Variants in PTPRM observed in about 807,000 individuals in gnomAD.
PTPRM encodes the protein protein tyrosine phosphatase receptor type M.
In PTPRM, 47 loss-of-function variants were observed where a neutral mutation model predicts 186.7. That is an observed-to-expected ratio of 0.25 (90% CI 0.20 to 0.32). PTPRM has a LOEUF of 0.32. PTPRM is among the 10% of genes least tolerant of loss of function. The pLI, the probability that PTPRM is intolerant of heterozygous loss-of-function variation, is 1.00. For missense variants in PTPRM, 1,494 were observed against 1,865.0 expected (o/e 0.80, Z 3.66); for synonymous variants, 668 against 674.9 (o/e 0.99, Z 0.16).
intron 2 of PTPRM, among the ~76,000 whole-genome samples, chr18:7,867,833 A>T (rs2047789096): frequency 1.3e-5 from 2 of 152,192 alleles, no homozygotes; most frequent in Admixed American, 1.3e-4. Flanking sequence ...CAGGTACACC[A>T]ATCAAGCATA....
chr18:7,775,119 A>G (rs1408620320), intron 2 of PTPRM, among the ~76,000 whole-genome samples: 1 of 152,240 alleles, frequency 6.6e-6, no homozygotes, highest in East Asian at 1.9e-4. Flanking sequence ...TTAGTAAGTA[A>G]TCTTGTAAAG....
chr18:8,297,216 A>T (rs1009287892), intron 20 of PTPRM, among the ~76,000 whole-genome samples: 1 of 152,202 alleles, frequency 6.6e-6, no homozygotes, highest in Non-Finnish European at 1.5e-5. Flanking sequence ...AATTAATACT[A>T]TTTATAAAGA....
At chr18:7,745,013 C>T (rs966058143) in intron 1 of PTPRM, among the ~76,000 whole-genome samples, 16 of 151,952 alleles carry the variant, frequency 1.1e-4, no homozygotes, top group African/African-American at 3.6e-4. Flanking sequence ...TCAAGAAAAT[C>T]ACCTCTAACT....
intron 7 of PTPRM, among the ~76,000 whole-genome samples, chr18:7,996,580 G>A (rs2083551347): frequency 6.6e-6 from 1 of 152,028 alleles, no homozygotes; most frequent in African/African-American, 2.4e-5. Context: ...TCTCCAAATT[G>A]GAAAGGAAGA....
At chr18:8,015,064 C>G (rs1310395319) in intron 7 of PTPRM, among the ~76,000 whole-genome samples, 3 of 152,144 alleles carry the variant, frequency 2.0e-5, no homozygotes, top group African/African-American at 7.2e-5. Context: ...TAACTCCACA[C>G]TTGTGCATGT....
rs1318982857 is a variant in PTPRM at position 8,344,474 on chromosome 18, A to ATATATATATATATATC, written c.3054+955_3054+956insATATATATATATATCT. ...TATATATATATATATATATATATAT[A>ATATATATATATATATC]TCTAGCAAAAATGGCACATTAACCT... On this transcript the variant is annotated intron_variant, in intron 23 of 32. Coordinates refer to ENST00000580170, the MANE Select transcript of PTPRM (RefSeq NM_001105244.2). 3.2e-4 allele frequency among the ~76,000 whole-genome samples: 47 copies of ATATATATATATATATC among 147,308 alleles called. 1 individual carries two copies. Among genetic ancestry groups the ATATATATATATATATC allele is most frequent in the African/African-American group, 1.1e-3 (44 of 38,700 alleles).
chr18:7,979,428 G>T (rs73383812), intron 7 of PTPRM, among the ~76,000 whole-genome samples: 1 of 152,092 alleles, frequency 6.6e-6, no homozygotes. Flanking sequence ...TTTTTGAAAC[G>T]CAGATCTAAG....
intron 7 of PTPRM, among the ~76,000 whole-genome samples, chr18:8,023,426 ATATTGGTCATCTTATGTGT>A (rs2085351170): frequency 6.6e-6 from 1 of 152,306 alleles, no homozygotes; most frequent in South Asian, 2.1e-4. Flanking sequence ...AAAAAAGACC[ATATTGGTCATCTTATGTGT>A]ATTTAACTTA....
At chr18:8,057,425 C>CTTTTTTTTTTTTTTTTTTTTTTTTCTTT (rs763829289) in intron 7 of PTPRM, among the ~76,000 whole-genome samples, 8 of 102,528 alleles carry the variant, frequency 7.8e-5, no homozygotes, top group African/African-American at 2.1e-4. Context: ...TGTGATACTT[C>CTTTTTTTTTTTTTTTTTTTTTTTTCTTT]TTTTTTTTTT....
rs536537858 is a variant in PTPRM, at chr18:8,006,913, A to G, written c.1132+51499A>G. On this transcript the variant is annotated intron_variant, in intron 7 of 32. Transcript: ENST00000580170. ...CTTATTTTAGGAAATTACCTCAGTT[A>G]GATAACAAATACATATTATTTTGTT... 2.6e-5 allele frequency among the ~76,000 whole-genome samples: 4 copies of G among 152,382 alleles called. No homozygotes were observed. The South Asian group carries it at 8.3e-4, about 32-fold the overall frequency.
chr18:7,659,816 C>T (rs2038937561), intron 1 of PTPRM, among the ~76,000 whole-genome samples: 1 of 152,084 alleles, frequency 6.6e-6, no homozygotes. Context: ...AAGAAATGGC[C>T]CGGTCTGTAA....
intron 21 of PTPRM, among the ~76,000 whole-genome samples, chr18:8,315,931 C>A (rs1768731284): frequency 6.6e-6 from 1 of 152,180 alleles, no homozygotes; most frequent in East Asian, 1.9e-4. Context: ...TGATAACAAC[C>A]AAAACCATAC....
intron 19 of PTPRM, among the ~76,000 whole-genome samples, chr18:8,285,317 T>G (rs2094944601): frequency 6.6e-6 from 1 of 152,192 alleles, no homozygotes; most frequent in Non-Finnish European, 1.5e-5. Context: ...AGAGCTGGGA[T>G]TTAAGCCCAA....
At chr18:7,913,397 A>C (rs1049166564) in intron 4 of PTPRM, among the ~76,000 whole-genome samples, 5 of 152,168 alleles carry the variant, frequency 3.3e-5, no homozygotes, top group African/African-American at 9.7e-5. Flanking sequence ...AAAGAACAGA[A>C]CTGCTTGTCT....
intron 7 of PTPRM, among the ~76,000 whole-genome samples, chr18:8,038,333 C>A (rs1461601461): frequency 1.3e-5 from 2 of 151,808 alleles, no homozygotes; most frequent in Admixed American, 6.6e-5. Flanking sequence ...TTTTAAAAAC[C>A]CAGCTTTCTG....
At chr18:8,209,013 G>A (rs147511858) in intron 14 of PTPRM, among the ~76,000 whole-genome samples, 1 of 152,308 alleles carries the variant, frequency 6.6e-6, no homozygotes, top group East Asian at 1.9e-4. Flanking sequence ...TTAGGTCTGT[G>A]CTGGTGGGGA....
chr18:7,834,489 T>TACACACACACACACACACACACAC, intron 2 of PTPRM, among the ~76,000 whole-genome samples: 1 of 3,798 alleles, frequency 2.6e-4, no homozygotes, highest in African/African-American at 9.3e-4. Context: ...AATATACAAG[T>TACACACACACACACACACACACAC]ATACACACAC....
intron 1 of PTPRM, among the ~76,000 whole-genome samples, chr18:7,769,750 G>C (rs1598606745): frequency 6.6e-6 from 1 of 152,112 alleles, no homozygotes; most frequent in East Asian, 1.9e-4. Flanking sequence ...TCAATTACCT[G>C]GGTATTTGCC....
chr18:7,841,975 T>G (rs1369786598), intron 2 of PTPRM, among the ~76,000 whole-genome samples: 1 of 152,126 alleles, frequency 6.6e-6, no homozygotes. Flanking sequence ...CTTTTCTTGT[T>G]GACTTTGGCT....
Sources: gnomAD v4.1 joint callset for allele counts (sites outside exome capture counted in the v4.1 genomes callset) on GRCh38, gnomAD v4.1.1 for gene constraint, MANE v1.5 for transcripts, NCBI Gene and HGNC (gene_info 2026-07-23, HGNC 2026-07-21) for gene names.